Variants in NTN4 observed in about 807,000 individuals in gnomAD.
NTN4 encodes the protein netrin-4.
NTN4 carries 32 observed loss-of-function variants against 73.6 expected under a neutral mutation model. That is an observed-to-expected ratio of 0.44 (90% CI 0.33 to 0.58). The LOEUF is 0.58. Among genes scored for constraint, NTN4 ranks in the 20% least tolerant of loss-of-function variants. The pLI is 0.04. For missense variants in NTN4, 654 were observed against 798.3 expected, an observed-to-expected ratio of 0.82 and a Z score of 2.18; for synonymous variants, 258 against 287.5, an observed-to-expected ratio of 0.90 and a Z score of 1.04.
chr12:95,682,439 T>A (rs2078325346), intron 7 of NTN4, among the ~76,000 whole-genome samples: 1 of 151,184 alleles, frequency 6.6e-6, no homozygotes, highest in African/African-American at 2.4e-5. Context: ...TTTTTTTTTT[T>A]ACTATGATGT....
At chr12:95,776,498 G>A (rs527374667) in intron 2 of NTN4, among the ~76,000 whole-genome samples, 2 of 152,322 alleles carry the variant, frequency 1.3e-5, no homozygotes, top group East Asian at 3.9e-4. Flanking sequence ...CGTGGCATGA[G>A]AACTACGTGA....
Position 95,682,780 on chromosome 12 carries a change from A to G in NTN4, c.1437T>C (p.Arg479=). The part of the protein sequence containing the change: ...IDWYHEVPDF[R]PVHNKSEPAW... ...CTGGTTCGCTCTTATTGTGCACGGG[A>G]CGGAAGTCAGGAACTTCATGATACC... Residue 479 remains arginine (R), a synonymous_variant, in exon 7 of 10, where the codon CGT becomes CGC. Transcript: ENST00000343702. The G allele has an allele frequency of 6.2e-7, 1 of 1,613,862 alleles. No individual in the cohort carries two copies.
intron 3 of NTN4, among the ~76,000 whole-genome samples, chr12:95,726,577 C>T (rs563989690): frequency 6.6e-6 from 1 of 152,300 alleles, no homozygotes. Flanking sequence ...TATGAACATT[C>T]ATGTACAAGA....
intron 2 of NTN4, among the ~76,000 whole-genome samples, chr12:95,777,489 A>G (rs1198358563): frequency 6.6e-6 from 1 of 152,190 alleles, no homozygotes; most frequent in Non-Finnish European, 1.5e-5. Context: ...ATGGAAAACA[A>G]AAAAAGGCAG....
chr12:95,734,429 G>A (rs759262488), intron 3 of NTN4, among the ~76,000 whole-genome samples: 1 of 152,190 alleles, frequency 6.6e-6, no homozygotes, highest in Non-Finnish European at 1.5e-5. Context: ...TTTCTCACGA[G>A]TTGCCAGATG....
intron 9 of NTN4, among the ~76,000 whole-genome samples, chr12:95,663,928 C>T (rs548328699): frequency 6.6e-6 from 1 of 152,144 alleles, no homozygotes; most frequent in Admixed American, 6.5e-5. Context: ...TAGGAAAGCT[C>T]TTATAAGAGA....
chr12:95,730,168 GC>G (rs1159968771), intron 3 of NTN4, among the ~76,000 whole-genome samples: 1 of 152,052 alleles, frequency 6.6e-6, no homozygotes, highest in Non-Finnish European at 1.5e-5. Context: ...ATTCATTTTT[GC>G]ACTTTTACAG....
Position 95,755,102 on chromosome 12 carries a change from T to C in NTN4, c.586-16958A>G, listed in dbSNP as rs1285734458. Among the ~76,000 whole-genome samples the C allele has an allele frequency of 2.0e-5, 3 of 152,382 alleles. No individual in the cohort carries two copies. In the East Asian group the frequency reaches 5.8e-4, roughly 29 times the overall value. On this transcript the variant is annotated intron_variant, in intron 2 of 9. Transcript: ENST00000343702. The stretch of plus-strand genomic sequence containing the variant: ...GTTATGTAAAAACTTAAATCTGTCA[T>C]GCTTTTTAGGTTCCTAAAATATATG...
intron 9 of NTN4, among the ~76,000 whole-genome samples, chr12:95,661,496 T>C (rs571319384): frequency 6.6e-6 from 1 of 152,326 alleles, no homozygotes; most frequent in Non-Finnish European, 1.5e-5. Flanking sequence ...CTCACTCTTT[T>C]CTATCTCTAA....
chr12:95,781,112 G>A lies in NTN4; in HGVS notation c.585+5827C>T, dbSNP rs541857952. The stretch of plus-strand genomic sequence containing the variant: ...GGAATTGAACAATGAGAACACTTGG[G>A]CACAGGAAGGGGAACATCACACACA... On this transcript the variant is annotated intron_variant, in intron 2 of 9. Transcript: ENST00000343702. This position sits in a 1 kb window ranked among gnomAD's most constrained non-coding sequence, Gnocchi z 4.1. 5.7e-4 allele frequency among the ~76,000 whole-genome samples: 87 copies of A among 152,200 alleles called. No homozygotes were observed. The highest frequency in any genetic ancestry group is 6.8e-3 in the Middle Eastern group (2 of 294).
intron 2 of NTN4, among the ~76,000 whole-genome samples, chr12:95,750,469 G>A (rs1032512622): frequency 2.6e-5 from 4 of 152,078 alleles, no homozygotes; most frequent in African/African-American, 9.7e-5. Flanking sequence ...AATGCCACTT[G>A]ACCCCAATAC....
chr12:95,708,639 G>C (rs1255155912), intron 5 of NTN4, among the ~76,000 whole-genome samples: 2 of 151,932 alleles, frequency 1.3e-5, no homozygotes, highest in Non-Finnish European at 2.9e-5. Flanking sequence ...AAACTCCTCG[G>C]CTCAAGTGAT....
At chr12:95,743,628 G>T (rs935899961) in intron 2 of NTN4, among the ~76,000 whole-genome samples, 8 of 152,124 alleles carry the variant, frequency 5.3e-5, no homozygotes, top group African/African-American at 1.9e-4. Context: ...GTTTACTCCA[G>T]TTATTTGGGG....
At chr12:95,664,111 T>C (rs2120916712) in intron 9 of NTN4, among the ~76,000 whole-genome samples, 1 of 152,268 alleles carries the variant, frequency 6.6e-6, no homozygotes, top group East Asian at 1.9e-4. Flanking sequence ...TGGAGTGCAG[T>C]GGCTCAATCA....
At chr12:95,751,925 A>G (rs572376615) in intron 2 of NTN4, among the ~76,000 whole-genome samples, 2 of 143,054 alleles carry the variant, frequency 1.4e-5, no homozygotes, top group African/African-American at 5.3e-5. Flanking sequence ...CCACCTGCCC[A>G]GTTCCCTTAT....
chr12:95,677,078 T>C (rs772080654), intron 7 of NTN4, among the ~76,000 whole-genome samples: 17 of 151,830 alleles, frequency 1.1e-4, no homozygotes, highest in Non-Finnish European at 2.4e-4. Context: ...CTACTAAAAA[T>C]ACAAAAAATT....
intron 2 of NTN4, among the ~76,000 whole-genome samples, chr12:95,779,711 C>T (rs1197427839): frequency 1.3e-5 from 2 of 152,074 alleles, no homozygotes; most frequent in Admixed American, 6.5e-5. Flanking sequence ...GAATCAATAT[C>T]GTGAAAATGG....
chr12:95,782,036 C>T (rs2079136407), intron 2 of NTN4, among the ~76,000 whole-genome samples: 1 of 152,136 alleles, frequency 6.6e-6, no homozygotes, highest in African/African-American at 2.4e-5. Context: ...ATTGGTTGTG[C>T]TTCCCATACC....
intron 2 of NTN4, among the ~76,000 whole-genome samples, chr12:95,775,851 A>G (rs905114440): frequency 4.6e-5 from 7 of 152,152 alleles, no homozygotes; most frequent in African/African-American, 1.7e-4. Context: ...CCCAGCACGG[A>G]GTTTGAGATC....
Sources: gnomAD v4.1 joint callset for allele counts (sites outside exome capture counted in the v4.1 genomes callset) on GRCh38, gnomAD v4.1.1 for gene constraint, Gnocchi (gnomAD v3.1) non-coding constraint, MANE v1.5 for transcripts, NCBI Gene and HGNC (gene_info 2026-07-23, HGNC 2026-07-21) for gene names.